The following ZNF286A variants were observed in gnomAD, a reference collection of about 807,000 sequenced individuals.
ZNF286A encodes the protein zinc finger protein ZNF286.
Under a neutral mutation model 49.3 loss-of-function variants are expected in ZNF286A, and 34 were observed. The observed-to-expected ratio is 0.69, with a 90% CI of 0.52 to 0.92. ZNF286A has a LOEUF of 0.92. ZNF286A is among the 40% of genes least tolerant of loss of function. ZNF286A has a pLI of 0.00. For missense variants in ZNF286A, 462 were observed against 600.2 expected (o/e 0.77, Z 2.41); for synonymous variants, 155 against 200.4 (o/e 0.77, Z 1.91).
chr17:15,712,438 A>T (rs1354832345), intron 5 of ZNF286A, among the ~76,000 whole-genome samples: 1 of 152,254 alleles, frequency 6.6e-6, no homozygotes, highest in Admixed American at 6.5e-5. Flanking sequence ...TATGTCAAAG[A>T]TACTTCAATA....
At chr17:15,711,967 G>C (rs939136593) in intron 5 of ZNF286A, among the ~76,000 whole-genome samples, 1 of 148,580 alleles carries the variant, frequency 6.7e-6, no homozygotes, top group Non-Finnish European at 1.5e-5. Flanking sequence ...TGCCTCCTGG[G>C]TTCACGCCAT....
Position 15,708,715 on chromosome 17 carries a change from A to G in ZNF286A, c.334+468A>G, listed in dbSNP as rs111254269. Among the ~76,000 whole-genome samples, 549 of 152,136 alleles carry G rather than the reference A, an allele frequency of 3.6e-3. 2 individuals carry two copies. The highest frequency in any genetic ancestry group is 0.011 in the African/African-American group (459 of 41,500). The stretch of plus-strand genomic sequence containing the variant: ...CTATAAATGGAATCATATTGTATAT[A>G]CTCTTGTGTCTGGCTTCCTTCACTG... On this transcript the variant is annotated intron_variant, in intron 5 of 5. Transcript: ENST00000583566.
chr17:15,702,982 A>C (rs1989900554), intron 3 of ZNF286A, among the ~76,000 whole-genome samples: 1 of 152,128 alleles, frequency 6.6e-6, no homozygotes, highest in South Asian at 2.1e-4. Context: ...CCTGTGTTGA[A>C]GGCCAGAGAA....
Position 15,717,275 on chromosome 17 carries a change from T to A in ZNF286A, c.1551T>A (p.Thr517=), listed in dbSNP as rs1199308346. The change falls in exon 6 of 6, where the codon ACT becomes ACA. Residue 517 remains threonine, a synonymous_variant. Transcript: ENST00000583566. ...TCATCAGACATCAAAGAGTTCACAC[T>A]GAAGAGCAACCCTGAAAAATTACTG... ...SSLIRHQRVH[T]EEQP is the part of the protein sequence containing the mutation. 1 of 1,587,208 alleles carries A rather than the reference T, an allele frequency of 6.3e-7. No individual in the cohort carries two copies. The highest frequency in any genetic ancestry group is 1.4e-5 in the African/African-American group (1 of 73,316).
rs1408565276 is a variant in ZNF286A at position 15,717,380 on chromosome 17, A to G, written c.*90A>G. 14 of 1,452,530 alleles carry G rather than the reference A, an allele frequency of 9.6e-6. No individual in the cohort carries two copies. The highest frequency in any genetic ancestry group is 1.4e-5 in the African/African-American group (1 of 69,868). The allele number at this position is 1,452,530 out of a possible 1,614,324, so 90.0% of individuals were successfully genotyped here. ...GGTGGAAGGCGCATCCATAATATGCATGTGAGGACCAATTCTGTATGCATC... is the reference window on the plus strand; with the variant it reads ...GGTGGAAGGCGCATCCATAATATGCGTGTGAGGACCAATTCTGTATGCATC... On this transcript the variant is annotated 3_prime_UTR_variant, in exon 6 of 6. Transcript: ENST00000583566.
rs1487822780 is a variant in ZNF286A, at chr17:15,704,909, C to A, written c.127-1478C>A. ...TCCACGTTGGAGTTCATGGCTGCGG[C>A]CGGCCGGGGGCGGGTCCCCCCGGCC... is the stretch of plus-strand genomic sequence containing the variant. On this transcript the variant is annotated intron_variant, in intron 3 of 5. Coordinates refer to ENST00000583566, the MANE Select transcript of ZNF286A (RefSeq NM_001130842.2). 8.2e-6 allele frequency: 13 copies of A among 1,591,086 alleles called. No homozygotes were observed. In the African/African-American group the frequency reaches 1.8e-4, roughly 22 times the overall value.
At chr17:15,712,281 T>G (rs562520486) in intron 5 of ZNF286A, among the ~76,000 whole-genome samples, 2 of 152,242 alleles carry the variant, frequency 1.3e-5, no homozygotes, top group South Asian at 4.1e-4. Flanking sequence ...ATCAACTGTT[T>G]GCAGCCTCTA....
intron 5 of ZNF286A, chr17:15,711,537 T>C (rs1228409374): frequency 1.3e-5 from 2 of 152,206 alleles, no homozygotes; most frequent in Non-Finnish European, 2.9e-5. Flanking sequence ...AGGTGGAAAC[T>C]GGTGAACCAG....
intron 3 of ZNF286A, among the ~76,000 whole-genome samples, chr17:15,705,272 C>T (rs1298329425): frequency 1.3e-5 from 2 of 152,102 alleles, no homozygotes; most frequent in African/African-American, 4.8e-5. Context: ...TCAGGACATT[C>T]ACATTGGCAT....
chr17:15,706,295 T>A (rs1471949262), intron 3 of ZNF286A, 92 bp from the exon 4 acceptor site: 1 of 943,946 alleles, frequency 1.1e-6, no homozygotes, highest in Non-Finnish European at 1.7e-6. Context: ...CTTAAGTGCA[T>A]CTCAGGCTTT....
At chr17:15,714,434 A>G (rs1359143967) in intron 5 of ZNF286A, among the ~76,000 whole-genome samples, 1 of 152,140 alleles carries the variant, frequency 6.6e-6, no homozygotes, top group Non-Finnish European at 1.5e-5. Flanking sequence ...ACCTACCTAT[A>G]CAAGCCTTAT....
intron 3 of ZNF286A, among the ~76,000 whole-genome samples, chr17:15,705,700 T>A (rs1197250634): frequency 6.6e-6 from 1 of 152,220 alleles, no homozygotes; most frequent in Non-Finnish European, 1.5e-5. Flanking sequence ...CCTTGAAATA[T>A]TATTCCTGTT....
chr17:15,706,970 C>T (rs1990270671), intron 4 of ZNF286A, among the ~76,000 whole-genome samples: 1 of 152,092 alleles, frequency 6.6e-6, no homozygotes, highest in Non-Finnish European at 1.5e-5. Context: ...CAAATAAGGT[C>T]ACAGGCCCAT....
At chr17:15,708,099 A>G in intron 4 of ZNF286A, 56 bp from the exon 5 acceptor site, 1 of 1,291,574 alleles carries the variant, frequency 7.7e-7, no homozygotes. Flanking sequence ...ACTTCCACAA[A>G]TAACTTACTC....
chr17:15,716,129 A>G lies in ZNF286A; in HGVS notation c.405A>G (p.Lys135=), dbSNP rs1567712653. 8 of 1,613,878 alleles carry G rather than the reference A, an allele frequency of 5.0e-6. No homozygotes were observed. Among genetic ancestry groups the G allele is most frequent in the Non-Finnish European group, 6.8e-6 (8 of 1,179,834 alleles). Residue 135 remains lysine (K), a synonymous_variant, in exon 6 of 6, where the codon AAA becomes AAG. Coordinates refer to ENST00000583566, the MANE Select transcript of ZNF286A (RefSeq NM_001130842.2). ...VQDFSKAESC[K]VAIIDRLTRN... is the part of the protein sequence containing the mutation. ...ATTTTTCCAAAGCAGAATCATGCAA[A>G]GTTGCAATAATAGACAGACTGACAC...
At chr17:15,704,357 G>A (rs200056676) in intron 3 of ZNF286A, 29,822 of 1,478,460 alleles carry the variant, frequency 0.02, 2 homozygotes, top group African/African-American at 0.057. Flanking sequence ...GGGGCCCCAG[G>A]GTCGGTGGAG....
chr17:15,707,362 C>A (rs1990313201), intron 4 of ZNF286A, among the ~76,000 whole-genome samples: 2 of 151,752 alleles, frequency 1.3e-5, no homozygotes, highest in African/African-American at 4.8e-5. Context: ...ATGGCATGAC[C>A]CCGGGAGGCG....
intron 3 of ZNF286A, chr17:15,705,026 C>G (rs1361189192): frequency 5.3e-6 from 3 of 562,956 alleles, no homozygotes; most frequent in Non-Finnish European, 5.5e-6. Flanking sequence ...CCGCTCCGCT[C>G]CCCGCTGCCT....
chr17:15,700,860 C>T (rs1424845057), intron 2 of ZNF286A, among the ~76,000 whole-genome samples: 1 of 102,068 alleles, frequency 9.8e-6, no homozygotes, highest in Admixed American at 9.4e-5. Context: ...AGAGTGAGAA[C>T]CAACGAGTAT....
Sources: allele counts gnomAD v4.1 joint callset (sites outside exome capture counted in the v4.1 genomes callset), GRCh38; gene constraint gnomAD v4.1.1; transcripts MANE v1.5; gene names NCBI Gene and HGNC (gene_info 2026-07-23, HGNC 2026-07-21).